PRDM10: variants seen among roughly 807,000 people sequenced by gnomAD.
The protein encoded by PRDM10 is PR domain zinc finger protein 10.
Under a neutral mutation model 133.1 loss-of-function variants are expected in PRDM10, and 65 were observed. That is an observed-to-expected ratio of 0.49 (90% CI 0.40 to 0.60). The LOEUF is 0.60. Among genes scored for constraint, PRDM10 ranks in the 20% least tolerant of loss-of-function variants. The pLI is 0.00. For synonymous variants in PRDM10, 582 were observed against 580.4 expected (o/e 1.00, Z -0.04); for missense variants, 1,137 against 1,507.1 (o/e 0.75, Z 4.07).
intron 9 of PRDM10, 79 bp from the exon 10 acceptor site, chr11:129,932,310 C>A: frequency 1.3e-6 from 2 of 1,530,078 alleles, no homozygotes; most frequent in Non-Finnish European, 1.8e-6. Context: ...ATGATCCTTA[C>A]TAACCCCAGA....
At chr11:129,988,279 AATTG>A (rs1428833869) in intron 1 of PRDM10, among the ~76,000 whole-genome samples, 3 of 152,206 alleles carry the variant, frequency 2.0e-5, no homozygotes, top group Non-Finnish European at 2.9e-5. Context: ...AATGTTCTAA[AATTG>A]ATTGTGGTGA....
chr11:130,002,478 C>A (rs965312321), intron 1 of PRDM10, among the ~76,000 whole-genome samples: 1 of 152,094 alleles, frequency 6.6e-6, no homozygotes, highest in Non-Finnish European at 1.5e-5. Context: ...GAGTGAGGTG[C>A]CTCGTCCCAG....
intron 17 of PRDM10, chr11:129,914,478 T>A (rs1202365050): frequency 3.1e-6 from 2 of 638,234 alleles, no homozygotes; most frequent in Non-Finnish European, 5.6e-6. Context: ...GAGGCTTGTA[T>A]ATGCTGGAAC....
chr11:129,995,192 T>C (rs1938979464), intron 1 of PRDM10, among the ~76,000 whole-genome samples: 1 of 152,208 alleles, frequency 6.6e-6, no homozygotes. Context: ...GGAATAATTT[T>C]CAATTCATCA....
chr11:129,977,164 C>G (rs1012167201), intron 1 of PRDM10, among the ~76,000 whole-genome samples: 1 of 151,842 alleles, frequency 6.6e-6, no homozygotes, highest in African/African-American at 2.4e-5. Context: ...CTCCAGCAGA[C>G]AGAGCACAGT....
In PRDM10 at chr11:129,910,179, T is replaced by C. The variant is rs74500430; in HGVS notation, c.3163+297A>G. 2.6e-5 allele frequency among the ~76,000 whole-genome samples: 4 copies of C among 152,320 alleles called. No individual in the cohort carries two copies. The East Asian group carries it at 7.7e-4, about 29-fold the overall frequency. ...TTGATAGACAGGCATTCTACAAATATTGGTGGAAGGGATGACTCAACATAA... is the reference window on the plus strand; with the variant it reads ...TTGATAGACAGGCATTCTACAAATACTGGTGGAAGGGATGACTCAACATAA... On this transcript the variant is annotated intron_variant, in intron 19 of 20. Transcript: ENST00000360871.
At chr11:129,981,392 T>C (rs542010836) in intron 1 of PRDM10, among the ~76,000 whole-genome samples, 17 of 152,306 alleles carry the variant, frequency 1.1e-4, no homozygotes, top group African/African-American at 4.1e-4. Flanking sequence ...CACTGATCTA[T>C]CATATATAAA....
At chr11:129,970,906 T>A (rs1280349585) in intron 1 of PRDM10, among the ~76,000 whole-genome samples, 1 of 152,154 alleles carries the variant, frequency 6.6e-6, no homozygotes, top group Non-Finnish European at 1.5e-5. Context: ...TTCCACCAAC[T>A]TTTTTGCCAG....
intron 1 of PRDM10, among the ~76,000 whole-genome samples, chr11:129,993,694 C>A (rs141251936): frequency 1.3e-5 from 2 of 152,244 alleles, no homozygotes; most frequent in East Asian, 3.9e-4. Context: ...CCATGTTAGC[C>A]AGGATGGTCT....
intron 1 of PRDM10, among the ~76,000 whole-genome samples, chr11:129,977,562 G>C (rs577038503): frequency 6.6e-6 from 1 of 152,172 alleles, no homozygotes; most frequent in Non-Finnish European, 1.5e-5. Flanking sequence ...GATTACAGGC[G>C]TGAGCCACTG....
In PRDM10 at chr11:129,910,610, C is replaced by T; in HGVS notation, c.3029G>A (p.Gly1010Glu). ...GCCCTGGATGTGGGAGGGGCTGAGC[C>T]CCTGCTGAGCCTGCTGGGCTGAGGG... ...LSPSAQQAQQ[G>E]LSPSHIQGSS... The change falls in exon 19 of 21, where the codon GGG becomes GAG. Residue 1010 changes from glycine to glutamate, a missense_variant. This residue lies in a region of PRDM10 where 243 missense variants were observed against 259.2 expected (regional missense o/e 0.94). Transcript: ENST00000360871. The T allele has an allele frequency of 6.2e-7, 1 of 1,610,382 alleles. No individual in the cohort carries two copies. Among genetic ancestry groups the T allele is most frequent in the Non-Finnish European group, 8.5e-7 (1 of 1,177,590 alleles).
intron 17 of PRDM10, chr11:129,914,394 C>G (rs945769313): frequency 6.8e-6 from 3 of 444,396 alleles, no homozygotes; most frequent in African/African-American, 6.0e-5. Context: ...AAGCAGCCAA[C>G]CAGGATGGTT....
In PRDM10 at chr11:129,995,654, C is replaced by T. The variant is rs565889803; in HGVS notation, c.-119+7068G>A. On this transcript the variant is annotated intron_variant, in intron 1 of 20. Coordinates refer to ENST00000360871, the MANE Select transcript of PRDM10 (RefSeq NM_199437.2). ...AAATAAGAATCTTGAAAAAAAAAGG[C>T]GGGGGAGAGGGGCAGGGGCCGTAGC... Among the ~76,000 whole-genome samples, 4 of 151,836 alleles carry T rather than the reference C, an allele frequency of 2.6e-5. No individual in the cohort carries two copies. The East Asian group carries it at 7.7e-4, about 29-fold the overall frequency.
intron 9 of PRDM10, among the ~76,000 whole-genome samples, chr11:129,934,530 T>C (rs979166512): frequency 6.6e-5 from 10 of 152,196 alleles, no homozygotes; most frequent in African/African-American, 2.4e-4. Context: ...TTCCAGGTGT[T>C]ATTTTTATCC....
In PRDM10 at chr11:129,947,597, C is replaced by T. The variant is rs1951462454; in HGVS notation, c.295-227G>A. The T allele has an allele frequency of 1.4e-6, 2 of 1,391,578 alleles. No homozygotes were observed. Among genetic ancestry groups the T allele is most frequent in the Non-Finnish European group, 1.9e-6 (2 of 1,063,358 alleles). The allele number at this position is 1,391,578 out of a possible 1,614,324, so 86.2% of individuals were successfully genotyped here. On this transcript the variant is annotated intron_variant, in intron 4 of 20. Transcript: ENST00000360871. The surrounding 1 kb of genome is among the most constrained non-coding windows in gnomAD (Gnocchi z 4.6). Reference sequence around the variant, plus strand: ...TTTAAGCCTCTGCCCTCCCTCTGCCCCTTCTGTCCCACACCTGGGAGGGCT... The same window carrying T: ...TTTAAGCCTCTGCCCTCCCTCTGCCTCTTCTGTCCCACACCTGGGAGGGCT...
chr11:129,911,437 C>T (rs1226271844), intron 18 of PRDM10, among the ~76,000 whole-genome samples: 2 of 152,212 alleles, frequency 1.3e-5, no homozygotes, highest in Non-Finnish European at 2.9e-5. Flanking sequence ...ATGAGGCCAG[C>T]GCTCTCCAGC....
At chr11:129,936,864 T>C (rs542201938) in intron 8 of PRDM10, among the ~76,000 whole-genome samples, 5 of 152,240 alleles carry the variant, frequency 3.3e-5, no homozygotes, top group South Asian at 2.1e-4. Flanking sequence ...AGTGTCAGAA[T>C]TGCATTTCAC....
At chr11:130,002,323 G>A (rs1421577854) in intron 1 of PRDM10, among the ~76,000 whole-genome samples, 1 of 151,844 alleles carries the variant, frequency 6.6e-6, no homozygotes, top group Admixed American at 6.6e-5. Flanking sequence ...GAGCCACTCG[G>A]GGGTCGCAGG....
At chr11:129,977,257 C>CAT (rs752264158) in intron 1 of PRDM10, among the ~76,000 whole-genome samples, 5 of 75,294 alleles carry the variant, frequency 6.6e-5, no homozygotes, top group Non-Finnish European at 1.2e-4. Flanking sequence ...GACTAAAATA[C>CAT]ACACACACAC....
Sources: allele counts gnomAD v4.1 joint callset (sites outside exome capture counted in the v4.1 genomes callset), GRCh38; gene constraint gnomAD v4.1.1; regional missense constraint gnomAD v4.1.1; non-coding constraint Gnocchi (gnomAD v3.1); transcripts MANE v1.5; gene names NCBI Gene and HGNC (gene_info 2026-07-23, HGNC 2026-07-21).